PSTPIP2: variants seen among roughly 807,000 people sequenced by gnomAD.
PSTPIP2 encodes proline-serine-threonine phosphatase-interacting protein 2.
PSTPIP2 carries 33 observed loss-of-function variants against 63.3 expected under a neutral mutation model. The ratio of observed to expected loss-of-function variants is 0.52; its 90% CI spans 0.40 to 0.70. PSTPIP2 has a LOEUF of 0.70. PSTPIP2 is among the 30% of genes least tolerant of loss of function. PSTPIP2 has a pLI of 0.00. For missense variants in PSTPIP2, 312 were observed against 400.7 expected (o/e 0.78, Z 1.89); for synonymous variants, 125 against 132.7 (o/e 0.94, Z 0.40).
chr18:46,001,265 T>C (rs1202091188), intron 6 of PSTPIP2, among the ~76,000 whole-genome samples: 3 of 152,250 alleles, frequency 2.0e-5, no homozygotes, highest in Non-Finnish European at 4.4e-5. Context: ...TGTTATTTTT[T>C]GTCTTTTTGA....
At chr18:45,997,095 A>C (rs987478551) in intron 9 of PSTPIP2, among the ~76,000 whole-genome samples, 1 of 152,254 alleles carries the variant, frequency 6.6e-6, no homozygotes, top group Non-Finnish European at 1.5e-5. Context: ...GAACTGTTGG[A>C]CAGCATGGTC....
chr18:46,062,556 G>A (rs532089189), intron 1 of PSTPIP2, among the ~76,000 whole-genome samples: 1 of 151,762 alleles, frequency 6.6e-6, no homozygotes, highest in South Asian at 2.1e-4. Flanking sequence ...ACGGAGTCTC[G>A]CTCTGTCACC....
chr18:46,047,443 C>T (rs375906835), intron 1 of PSTPIP2, among the ~76,000 whole-genome samples: 3 of 152,062 alleles, frequency 2.0e-5, no homozygotes, highest in African/African-American at 4.8e-5. Context: ...CATGGTGGCA[C>T]GCGCCTGCAG....
intron 1 of PSTPIP2, among the ~76,000 whole-genome samples, chr18:46,059,439 T>A (rs1031511701): frequency 6.6e-6 from 1 of 151,952 alleles, no homozygotes; most frequent in Non-Finnish European, 1.5e-5. Flanking sequence ...AGTAAACACA[T>A]GGTTTCACCT....
At chr18:45,988,317 C>G (rs2051487952) in intron 14 of PSTPIP2, among the ~76,000 whole-genome samples, 1 of 151,552 alleles carries the variant, frequency 6.6e-6, no homozygotes, top group Non-Finnish European at 1.5e-5. Flanking sequence ...TGCCTGTAAT[C>G]CTAGATACTC....
At chr18:46,044,829 C>G (rs1273458835) in intron 1 of PSTPIP2, among the ~76,000 whole-genome samples, 1 of 152,104 alleles carries the variant, frequency 6.6e-6, no homozygotes, top group Non-Finnish European at 1.5e-5. Flanking sequence ...ACAAACAACC[C>G]CATCAAAAAG....
chr18:46,030,231 G>A (rs1019852912), intron 2 of PSTPIP2, among the ~76,000 whole-genome samples: 4 of 152,330 alleles, frequency 2.6e-5, no homozygotes, highest in African/African-American at 7.2e-5. Context: ...TGAGTCACAA[G>A]AGAAGCCTGT....
intron 2 of PSTPIP2, 75 bp from the exon 3 acceptor site, chr18:46,024,761 G>A: frequency 2.5e-6 from 3 of 1,223,040 alleles, no homozygotes; most frequent in Non-Finnish European, 3.6e-6. Context: ...ACCCTCCCTT[G>A]GAAAGCAAAA....
At chr18:46,059,018 C>CT (rs200623149) in intron 1 of PSTPIP2, among the ~76,000 whole-genome samples, 3,033 of 147,594 alleles carry the variant, frequency 0.021, 95 homozygotes, top group African/African-American at 0.071. Flanking sequence ...CCTCTTAATT[C>CT]TTTTTTTTTC....
At chr18:46,022,662 T>C (rs1445663327) in intron 3 of PSTPIP2, among the ~76,000 whole-genome samples, 2 of 152,098 alleles carry the variant, frequency 1.3e-5, no homozygotes, top group Admixed American at 6.5e-5. Context: ...ATGAAACCCT[T>C]CTAAGTGTGA....
intron 1 of PSTPIP2, among the ~76,000 whole-genome samples, chr18:46,063,402 G>A (rs1909059155): frequency 6.6e-6 from 1 of 152,164 alleles, no homozygotes; most frequent in South Asian, 2.1e-4. Context: ...ACTGTATAAA[G>A]TGTTTTCAAA....
At chr18:45,997,065 C>T (rs1028943563) in intron 9 of PSTPIP2, among the ~76,000 whole-genome samples, 11 of 152,214 alleles carry the variant, frequency 7.2e-5, no homozygotes, top group African/African-American at 2.7e-4. Context: ...TTGTGCTAAC[C>T]CAACATTAGA....
intron 13 of PSTPIP2, among the ~76,000 whole-genome samples, chr18:45,990,420 GTTTT>G (rs1029537277): frequency 1.4e-5 from 2 of 140,058 alleles, no homozygotes; most frequent in East Asian, 2.3e-4. Context: ...GTTTTTTGGG[GTTTT>G]TTTGTTTGTT....
Position 45,990,773 on chromosome 18 carries a change from C to T in PSTPIP2, c.921-17G>A. ...GGTCCTCTCCTGTAAGAAATGAAAA[C>T]CAAAGTATTTTAGATAAGTTCTTGT... On this transcript the variant is annotated splice_polypyrimidine_tract_variant and intron_variant, in intron 12 of 14. Transcript: ENST00000409746. 6.3e-7 allele frequency: 1 copy of T among 1,582,178 alleles called. No homozygotes were observed. Among genetic ancestry groups the T allele is most frequent in the Non-Finnish European group, 8.7e-7 (1 of 1,153,966 alleles).
At chr18:46,052,391 A>G (rs1402449284) in intron 1 of PSTPIP2, among the ~76,000 whole-genome samples, 4 of 152,162 alleles carry the variant, frequency 2.6e-5, no homozygotes, top group Non-Finnish European at 5.9e-5. Flanking sequence ...CCTCTAGTTG[A>G]GCCAGATAAG....
chr18:46,038,648 C>T (rs1908072028), intron 2 of PSTPIP2, among the ~76,000 whole-genome samples: 1 of 152,186 alleles, frequency 6.6e-6, no homozygotes, highest in Admixed American at 6.5e-5. Context: ...ACACTGTCAA[C>T]CATCTTGGGT....
intron 1 of PSTPIP2, among the ~76,000 whole-genome samples, chr18:46,045,142 A>C (rs1000136214): frequency 6.6e-6 from 1 of 152,244 alleles, no homozygotes; most frequent in African/African-American, 2.4e-5. Context: ...CATTTGACCC[A>C]GCCATCCCAT....
rs111243522 is a variant in PSTPIP2 at position 46,016,097 on chromosome 18, T to G, written c.213-160A>C. On this transcript the variant is annotated intron_variant, in intron 3 of 14. Transcript: ENST00000409746. ...AGAGACAGCAAAAGACCAAGACTTC[T>G]TAAGTCCAGTTTCCTCAATCCCAGG... is the stretch of plus-strand genomic sequence containing the variant. 2,396 of 697,604 alleles carry G rather than the reference T, an allele frequency of 3.4e-3. 23 individuals are homozygous for G. The highest frequency in any genetic ancestry group is 0.012 in the African/African-American group (652 of 55,410). The allele number at this position is 697,604 out of a possible 1,614,324, so 43.2% of individuals were successfully genotyped here.
chr18:46,031,779 T>A (rs1018844371), intron 2 of PSTPIP2, among the ~76,000 whole-genome samples: 3 of 152,164 alleles, frequency 2.0e-5, no homozygotes, highest in Non-Finnish European at 4.4e-5. Context: ...TTCTTTCTTG[T>A]AAGAGGAAGA....
Sources: gnomAD v4.1 joint callset for allele counts (sites outside exome capture counted in the v4.1 genomes callset) on GRCh38, gnomAD v4.1.1 for gene constraint, MANE v1.5 for transcripts, NCBI Gene and HGNC (gene_info 2026-07-23, HGNC 2026-07-21) for gene names.